The following INPP4B variants were observed in gnomAD, a reference collection of about 807,000 sequenced individuals.
The protein encoded by INPP4B is inositol polyphosphate 4-phosphatase type II.
INPP4B carries 55 observed loss-of-function variants against 122.5 expected under a neutral mutation model. The ratio of observed to expected loss-of-function variants is 0.45; its 90% CI spans 0.36 to 0.56. The LOEUF is 0.56. Ranked by LOEUF, INPP4B falls within the 20% of genes least tolerant of loss-of-function variation. The pLI, the probability that INPP4B is intolerant of heterozygous loss-of-function variation, is 0.00. For synonymous variants in INPP4B, 403 were observed against 388.7 expected (o/e 1.04, Z -0.43); for missense variants, 1,000 against 1,097.7 (o/e 0.91, Z 1.26).
intron 1 of INPP4B, among the ~76,000 whole-genome samples, chr4:142,808,139 G>GA: frequency 6.6e-6 from 1 of 151,464 alleles, no homozygotes; most frequent in Admixed American, 6.6e-5. Context: ...AAGAAACAAA[G>GA]AAAAACAAGC....
At position 142,160,560 on chromosome 4, in the gene INPP4B, GT is replaced by G; in HGVS notation, c.1360del (p.Thr454GlnfsTer18). 6.3e-7 allele frequency: 1 copy of G among 1,589,092 alleles called. No individual in the cohort carries two copies. Among genetic ancestry groups the G allele is most frequent in the Non-Finnish European group, 8.6e-7 (1 of 1,160,766 alleles). ...KNSLKMLSEKTELFVHAFKDQ... is the reference protein window; with the variant it reads ...KNSLKMLSEKXELFVHAFKDQ... ...CTTGAAGGCATGTACAAAAAGCTCT[GT>G]CTGGAAAGAAATTGACAAGGATTAG... On this transcript the variant is annotated frameshift_variant and splice_region_variant, in exon 17 of 26. Transcript: ENST00000262992. LOFTEE classifies it high-confidence loss of function.
chr4:142,223,747 T>C (rs1419646820), intron 12 of INPP4B, among the ~76,000 whole-genome samples: 7 of 152,176 alleles, frequency 4.6e-5, no homozygotes, highest in Non-Finnish European at 1.5e-5. Context: ...ATTCTAATTG[T>C]GCATCAACAT....
At chr4:142,144,211 G>A (rs999995368) in intron 18 of INPP4B, among the ~76,000 whole-genome samples, 3 of 130,138 alleles carry the variant, frequency 2.3e-5, no homozygotes, top group South Asian at 5.2e-4. Context: ...GTCTTCTGAT[G>A]AAATACAAGA....
chr4:142,153,905 C>T (rs1035268546), intron 17 of INPP4B, among the ~76,000 whole-genome samples: 14 of 152,216 alleles, frequency 9.2e-5, no homozygotes, highest in East Asian at 7.7e-4. Context: ...TTTAATAGAA[C>T]ATTTGTGCAT....
chr4:142,637,074 T>A (rs558481975), intron 2 of INPP4B, among the ~76,000 whole-genome samples: 1 of 152,152 alleles, frequency 6.6e-6, no homozygotes, highest in Non-Finnish European at 1.5e-5. Flanking sequence ...TAGCAAAAAA[T>A]GAGCAGAAAG....
intron 23 of INPP4B, among the ~76,000 whole-genome samples, chr4:142,093,779 AC>A (rs1780620715): frequency 6.6e-6 from 1 of 152,196 alleles, no homozygotes; most frequent in Non-Finnish European, 1.5e-5. Context: ...AGAAGGCAAT[AC>A]AAAAAAATCA....
intron 1 of INPP4B, among the ~76,000 whole-genome samples, chr4:142,736,712 G>T (rs564097636): frequency 2.9e-4 from 44 of 152,218 alleles, no homozygotes; most frequent in Admixed American, 4.6e-4. Flanking sequence ...AGACGATGCG[G>T]TTTTCTAGAT....
At chr4:142,451,246 GTTT>G (rs758479962) in intron 3 of INPP4B, among the ~76,000 whole-genome samples, 2 of 97,734 alleles carry the variant, frequency 2.0e-5, no homozygotes, top group Non-Finnish European at 4.1e-5. Flanking sequence ...TGTTGCTGTT[GTTT>G]TTTTTTTTTT....
intron 7 of INPP4B, among the ~76,000 whole-genome samples, chr4:142,338,981 G>C (rs1777789119): frequency 6.6e-6 from 1 of 152,124 alleles, no homozygotes; most frequent in Admixed American, 6.5e-5. Flanking sequence ...GGGTCCAGGA[G>C]GGGAGAAGGA....
chr4:142,106,512 T>C (rs1306235177), intron 23 of INPP4B, among the ~76,000 whole-genome samples: 1 of 152,222 alleles, frequency 6.6e-6, no homozygotes. Flanking sequence ...TTTAAACTTA[T>C]ATTCCTATGA....
intron 2 of INPP4B, among the ~76,000 whole-genome samples, chr4:142,717,117 A>T (rs1763875503): frequency 6.6e-6 from 1 of 152,194 alleles, no homozygotes; most frequent in Non-Finnish European, 1.5e-5. Flanking sequence ...AAGTGGTTAA[A>T]ATGTATAGAT....
At chr4:142,673,640 A>G (rs1757304679) in intron 2 of INPP4B, among the ~76,000 whole-genome samples, 2 of 152,148 alleles carry the variant, frequency 1.3e-5, no homozygotes, top group Non-Finnish European at 2.9e-5. Flanking sequence ...GGGTCAGTCC[A>G]CCAGGTAAGG....
chr4:142,833,744 G>A (rs1782448134), intron 1 of INPP4B, among the ~76,000 whole-genome samples: 1 of 151,918 alleles, frequency 6.6e-6, no homozygotes, highest in East Asian at 1.9e-4. Context: ...ATAAATGCAA[G>A]TTTGTTCAGT....
intron 15 of INPP4B, among the ~76,000 whole-genome samples, chr4:142,182,188 G>C (rs1831092266): frequency 6.6e-6 from 1 of 152,094 alleles, no homozygotes; most frequent in Non-Finnish European, 1.5e-5. Flanking sequence ...TTGGTCCTTG[G>C]TATTTTCATC....
chr4:142,780,656 A>C (rs1774655246), intron 1 of INPP4B, among the ~76,000 whole-genome samples: 2 of 152,040 alleles, frequency 1.3e-5, no homozygotes, highest in South Asian at 4.1e-4. Flanking sequence ...AAAATTAGCC[A>C]GGCATGGTGG....
intron 2 of INPP4B, among the ~76,000 whole-genome samples, chr4:142,649,464 A>G (rs1487310288): frequency 6.6e-6 from 1 of 152,204 alleles, no homozygotes; most frequent in African/African-American, 2.4e-5. Context: ...CAAGTAAGCT[A>G]AAAACCTTGA....
At chr4:142,289,416 G>C (rs964528029) in intron 9 of INPP4B, among the ~76,000 whole-genome samples, 1 of 152,080 alleles carries the variant, frequency 6.6e-6, no homozygotes, top group Non-Finnish European at 1.5e-5. Flanking sequence ...TGTGCAGGAC[G>C]TGAAGGTTTG....
chr4:142,258,709 T>A (rs2150352600), intron 11 of INPP4B, among the ~76,000 whole-genome samples: 1 of 152,146 alleles, frequency 6.6e-6, no homozygotes, highest in East Asian at 1.9e-4. Flanking sequence ...AAACAACAGG[T>A]GTTGGAGAGG....
At chr4:142,712,998 A>ACT (rs1763302447) in intron 2 of INPP4B, among the ~76,000 whole-genome samples, 2 of 152,310 alleles carry the variant, frequency 1.3e-5, no homozygotes, top group African/African-American at 4.8e-5. Flanking sequence ...AACCTAAGGA[A>ACT]AGGAAAGAAA....
Sources: gnomAD v4.1 joint callset for allele counts (sites outside exome capture counted in the v4.1 genomes callset) on GRCh38, gnomAD v4.1.1 for gene constraint, MANE v1.5 for transcripts, NCBI Gene and HGNC (gene_info 2026-07-23, HGNC 2026-07-21) for gene names.